The following RAI1 variants were observed in gnomAD, a reference collection of about 807,000 sequenced individuals.
RAI1 encodes retinoic acid induced 1.
A neutral mutation model predicts 123.8 loss-of-function variants in RAI1; 9 were observed. The observed-to-expected ratio is 0.07, with a 90% CI of 0.04 to 0.13. RAI1 has a LOEUF of 0.13. Among genes scored for constraint, RAI1 ranks in the 10% least tolerant of loss-of-function variants. The pLI is 1.00. For missense variants in RAI1, 2,256 were observed against 2,545.8 expected (o/e 0.89, Z 2.45); for synonymous variants, 1,231 against 1,127.3 (o/e 1.09, Z -1.84).
At chr17:17,702,964 G>A (rs956221201) in intron 1 of RAI1, among the ~76,000 whole-genome samples, 1 of 152,234 alleles carries the variant, frequency 6.6e-6, no homozygotes, top group Non-Finnish European at 1.5e-5. Flanking sequence ...GCTGCCAGAC[G>A]TGAGGAGGTG....
At position 17,795,962 on chromosome 17, in the gene RAI1, G is replaced by A. The variant is rs1222505115; in HGVS notation, c.3014G>A (p.Arg1005Gln). The A allele has an allele frequency of 4.4e-6, 7 of 1,603,526 alleles. No homozygotes were observed. The highest frequency in any genetic ancestry group is 1.3e-5 in the African/African-American group (1 of 74,812). The change falls in exon 3 of 6, where the codon CGG becomes CAG. Residue 1005 changes from arginine (R) to glutamine (Q), a missense_variant. Physicochemically the swap from Arg to Gln is conservative, Grantham distance 43 (BLOSUM62 1). This residue lies in a region of RAI1 where 566 missense variants were observed against 616.0 expected (regional missense o/e 0.92). Coordinates refer to ENST00000353383, the MANE Select transcript of RAI1 (RefSeq NM_030665.4). This position sits in a 1 kb window ranked among gnomAD's most constrained non-coding sequence, Gnocchi z 5.9. ...GKSLRSRRVH[R>Q]GLPEAEDSPC... ...AGCTTACGGAGCCGTCGGGTGCACC[G>A]GGGGCTGCCCGAGGCCGAGGACTCC... is the stretch of plus-strand genomic sequence containing the variant.
rs184466363 is a variant in RAI1 at position 17,778,725 on chromosome 17, C to T, written c.-16-14208C>T. The stretch of plus-strand genomic sequence containing the variant: ...CCTCCCTTTCCGGAGCAGAGGCCTG[C>T]GATTCTCCATGCTGGAGAGCCCGCC... On this transcript the variant is annotated intron_variant, in intron 2 of 5. Transcript: ENST00000353383. The T allele has an allele frequency of 5.4e-4, 245 of 456,732 alleles. 1 individual carries two copies. Among genetic ancestry groups the T allele is most frequent in the African/African-American group, 4.1e-3 (207 of 50,200 alleles). 28.3% of individuals were successfully genotyped at this position (456,732 alleles called of 1,614,324 possible).
Position 17,694,336 on chromosome 17 carries a change from G to A in RAI1, c.-149+12543G>A, listed in dbSNP as rs181435231. ...CGCGGTGGAGACGCACGAGGTGCGG[G>A]GAGGAACATAGCCAGGAAGACGGGC... On this transcript the variant is annotated intron_variant, in intron 1 of 5. Coordinates refer to ENST00000353383, the MANE Select transcript of RAI1 (RefSeq NM_030665.4). Among the ~76,000 whole-genome samples, 4 of 152,256 alleles carry A rather than the reference G, an allele frequency of 2.6e-5. No homozygotes were observed. In the East Asian group the frequency reaches 5.8e-4, roughly 22 times the overall value.
At chr17:17,780,232 A>AT (rs1290532171) in intron 2 of RAI1, among the ~76,000 whole-genome samples, 1 of 148,816 alleles carries the variant, frequency 6.7e-6, no homozygotes, top group East Asian at 2.0e-4. Context: ...TGTCAAGTTA[A>AT]TTTTTATATT....
chr17:17,717,530 C>A (rs778275868), intron 1 of RAI1, among the ~76,000 whole-genome samples: 47 of 152,260 alleles, frequency 3.1e-4, no homozygotes, highest in Non-Finnish European at 6.2e-4. Context: ...TGGTGCCTAA[C>A]CCTGTGGCTC....
Position 17,773,651 on chromosome 17 carries a change from G to A in RAI1, c.-16-19282G>A, listed in dbSNP as rs2031243901. Among the ~76,000 whole-genome samples the A allele has an allele frequency of 3.9e-5, 6 of 152,296 alleles. No homozygotes were observed. The South Asian group carries it at 1.2e-3, about 32-fold the overall frequency. ...GAGAGAAAAAATGCAATGTGACAGG[G>A]AAGATGGCACCTCTCCTGATGCCCA... On this transcript the variant is annotated intron_variant, in intron 2 of 5. Transcript: ENST00000353383.
intron 2 of RAI1, among the ~76,000 whole-genome samples, chr17:17,774,830 C>T (rs1246437059): frequency 6.6e-6 from 1 of 152,208 alleles, no homozygotes; most frequent in African/African-American, 2.4e-5. Context: ...TGCGCACCAT[C>T]GTCTGAGGTG....
chr17:17,776,694 G>C (rs1164051735), intron 2 of RAI1: 1 of 111,838 alleles, frequency 8.9e-6, no homozygotes, highest in African/African-American at 3.9e-5. Context: ...TTGAGAGAGG[G>C]TCTTGCTCTG....
chr17:17,793,406 C>A lies in RAI1; in HGVS notation c.458C>A (p.Pro153His). ...ENLMKKTAVP[P>H]SRQYAEQGAQ... Reference sequence around the variant, plus strand: ...TTGATGAAAAAGACAGCAGTGCCCCCCAGCAGGCAGTATGCAGAGCAGGGC... The same window carrying A: ...TTGATGAAAAAGACAGCAGTGCCCCACAGCAGGCAGTATGCAGAGCAGGGC... Residue 153 changes from proline (P) to histidine (H), a missense_variant, in exon 3 of 6, where the codon CCC becomes CAC. Coordinates refer to ENST00000353383, the MANE Select transcript of RAI1 (RefSeq NM_030665.4). 6.2e-7 allele frequency: 1 copy of A among 1,613,284 alleles called. No individual in the cohort carries two copies. Among genetic ancestry groups the A allele is most frequent in the Non-Finnish European group, 8.5e-7 (1 of 1,179,678 alleles).
intron 2 of RAI1, among the ~76,000 whole-genome samples, chr17:17,750,470 C>G (rs1239107207): frequency 6.6e-6 from 1 of 152,024 alleles, no homozygotes; most frequent in Non-Finnish European, 1.5e-5. Flanking sequence ...GCCTGTAATC[C>G]CAGCACTTTG....
At chr17:17,741,736 T>G (rs1445067614) in intron 2 of RAI1, among the ~76,000 whole-genome samples, 3 of 152,182 alleles carry the variant, frequency 2.0e-5, no homozygotes, top group Non-Finnish European at 4.4e-5. Flanking sequence ...GAGGTGGTTC[T>G]AAAAAGGCTT....
intron 1 of RAI1, among the ~76,000 whole-genome samples, chr17:17,687,541 C>T (rs1914681929): frequency 2.0e-5 from 3 of 152,004 alleles, no homozygotes; most frequent in Admixed American, 2.0e-4. Context: ...CTTGGGTTCG[C>T]CTCCTAGAGT....
Position 17,797,597 on chromosome 17 carries a change from C to G in RAI1, c.4649C>G (p.Ser1550Cys). The G allele has an allele frequency of 6.2e-7, 1 of 1,614,040 alleles. No individual in the cohort carries two copies. The highest frequency in any genetic ancestry group is 8.5e-7 in the Non-Finnish European group (1 of 1,180,036). Residue 1550 changes from serine (S) to cysteine (C), a missense_variant, in exon 3 of 6, where the codon TCT becomes TGT. Coordinates refer to ENST00000353383, the MANE Select transcript of RAI1 (RefSeq NM_030665.4). The stretch of plus-strand genomic sequence containing the variant: ...CGGGGCCGGGCCAAGAACACCACCT[C>G]TTCACCCTGTAAGGGGCGTGCCAAG... ...LTRGRAKNTT[S>C]SPCKGRAKRR...
At chr17:17,739,490 A>G (rs535578901) in intron 2 of RAI1, among the ~76,000 whole-genome samples, 1 of 152,314 alleles carries the variant, frequency 6.6e-6, no homozygotes, top group East Asian at 1.9e-4. Context: ...ATACAGAGAG[A>G]GAATCTGGCA....
intron 1 of RAI1, among the ~76,000 whole-genome samples, chr17:17,696,040 C>A (rs1202551586): frequency 6.6e-6 from 1 of 152,186 alleles, no homozygotes; most frequent in Non-Finnish European, 1.5e-5. Context: ...CTCAGGGTTG[C>A]CATCGGAAAG....
At position 17,745,309 on chromosome 17, in the gene RAI1, A is replaced by G. The variant is rs966883386; in HGVS notation, c.-17+21150A>G. 5.3e-5 allele frequency among the ~76,000 whole-genome samples: 8 copies of G among 151,476 alleles called. No homozygotes were observed. In the South Asian group the frequency reaches 1.5e-3, roughly 28 times the overall value. ...AGTCCCTGTGGGATGGCCATGATCA[A>G]CCCACTGTAGGGAGCCACCAAGGGG... On this transcript the variant is annotated intron_variant, in intron 2 of 5. Transcript: ENST00000353383.
chr17:17,750,530 T>TA (rs2030113863), intron 2 of RAI1, among the ~76,000 whole-genome samples: 1 of 151,862 alleles, frequency 6.6e-6, no homozygotes, highest in African/African-American at 2.4e-5. Context: ...GAGACCAGCC[T>TA]AACCAACATG....
At chr17:17,725,133 G>A (rs1916040477) in intron 2 of RAI1, among the ~76,000 whole-genome samples, 1 of 151,100 alleles carries the variant, frequency 6.6e-6, no homozygotes, top group African/African-American at 2.4e-5. Context: ...CAGGGAGGGG[G>A]CTGGGGGGTG....
intron 1 of RAI1, among the ~76,000 whole-genome samples, chr17:17,719,237 G>T (rs1432839920): frequency 1.3e-5 from 2 of 152,120 alleles, no homozygotes; most frequent in Non-Finnish European, 2.9e-5. Context: ...GCCTCATCTC[G>T]TTCAGTCTAA....
Sources: gnomAD v4.1 joint callset for allele counts (sites outside exome capture counted in the v4.1 genomes callset) on GRCh38, gnomAD v4.1.1 for gene constraint, gnomAD v4.1.1 regional missense constraint, Gnocchi (gnomAD v3.1) non-coding constraint, MANE v1.5 for transcripts, NCBI Gene and HGNC (gene_info 2026-07-23, HGNC 2026-07-21) for gene names.